LRRC4B: variants seen among roughly 807,000 people sequenced by gnomAD.
LRRC4B encodes the protein leucine rich repeat containing 4B, also known as leucine-rich repeat-containing protein 4B.
A neutral mutation model predicts 7.3 loss-of-function variants in LRRC4B; 1 was observed. That is an observed-to-expected ratio of 0.14 (90% CI 0.05 to 0.65). LRRC4B has a LOEUF of 0.65. Among genes scored for constraint, LRRC4B ranks in the 30% least tolerant of loss-of-function variants. LRRC4B has a pLI of 0.84. For synonymous variants in LRRC4B, 500 were observed against 499.2 expected (o/e 1.00, Z -0.02); for missense variants, 730 against 1,041.6 (o/e 0.70, Z 4.12).
chr19:50,522,643 A>AT (rs59871943), intron 2 of LRRC4B, among the ~76,000 whole-genome samples: 19,777 of 151,938 alleles, frequency 0.13, 1,419 homozygotes, highest in South Asian at 0.16. Flanking sequence ...CGCTTGGCTA[A>AT]TTTTTTGTAT....
chr19:50,548,313 G>A lies in LRRC4B; in HGVS notation c.297+229C>T, dbSNP rs931447630. On this transcript the variant is annotated intron_variant, in intron 2 of 2. Coordinates refer to ENST00000652263, the MANE Select transcript of LRRC4B (RefSeq NM_001080457.2). This position sits in a 1 kb window ranked among gnomAD's most constrained non-coding sequence, Gnocchi z 6.8. ...GGCAGGTGGCCTGCACTTGGGCCCCGACACGGTGGCTCAGAGACAGGGAGC... is the reference window on the plus strand; with the variant it reads ...GGCAGGTGGCCTGCACTTGGGCCCCAACACGGTGGCTCAGAGACAGGGAGC... 5.3e-5 allele frequency among the ~76,000 whole-genome samples: 8 copies of A among 152,224 alleles called. No individual in the cohort carries two copies. The highest frequency in any genetic ancestry group is 1.7e-4 in the African/African-American group (7 of 41,470).
At chr19:50,552,022 G>A (rs539863794) in intron 1 of LRRC4B, among the ~76,000 whole-genome samples, 1 of 152,098 alleles carries the variant, frequency 6.6e-6, no homozygotes, top group South Asian at 2.1e-4. Context: ...CTGGGCAGCC[G>A]AGGAGGCAGC....
At chr19:50,549,544 G>T (rs555201983) in intron 1 of LRRC4B, among the ~76,000 whole-genome samples, 1 of 152,368 alleles carries the variant, frequency 6.6e-6, no homozygotes, top group African/African-American at 2.4e-5. Flanking sequence ...CCCTGTGGGG[G>T]CCTCACAGCA....
chr19:50,561,459 C>T (rs897876789), intron 1 of LRRC4B, among the ~76,000 whole-genome samples: 4 of 151,760 alleles, frequency 2.6e-5, no homozygotes, highest in Admixed American at 6.6e-5. Context: ...ACTTGTTGGC[C>T]GTGGTGGCTC....
intron 2 of LRRC4B, among the ~76,000 whole-genome samples, chr19:50,540,015 G>C (rs928561522): frequency 6.6e-6 from 1 of 152,036 alleles, no homozygotes; most frequent in African/African-American, 2.4e-5. Flanking sequence ...GACCTTCCTG[G>C]GTGTTTCTCG....
In LRRC4B at chr19:50,556,383, C is replaced by T. The variant is rs1173395338; in HGVS notation, c.-35-7510G>A. ...CCTCCCACCCACCAGGCGCCTCCCA[C>T]CCAGGCTCTTCCCATCCACACCAGA... On this transcript the variant is annotated intron_variant, in intron 1 of 2. Coordinates refer to ENST00000652263, the MANE Select transcript of LRRC4B (RefSeq NM_001080457.2). The surrounding 1 kb of genome is among the most constrained non-coding windows in gnomAD (Gnocchi z 4.2). Among the ~76,000 whole-genome samples, 2 of 152,128 alleles carry T rather than the reference C, an allele frequency of 1.3e-5. No individual in the cohort carries two copies. Among genetic ancestry groups the T allele is most frequent in the African/African-American group, 4.8e-5 (2 of 41,420 alleles).
At chr19:50,541,453 A>T (rs1022010255) in intron 2 of LRRC4B, among the ~76,000 whole-genome samples, 1 of 152,142 alleles carries the variant, frequency 6.6e-6, no homozygotes, top group Non-Finnish European at 1.5e-5. Flanking sequence ...AGTCCATGGA[A>T]AAATTATCTT....
At chr19:50,559,172 C>T (rs911573011) in intron 1 of LRRC4B, among the ~76,000 whole-genome samples, 30 of 152,126 alleles carry the variant, frequency 2.0e-4, no homozygotes, top group African/African-American at 6.3e-4. Context: ...TGGTGGCTCA[C>T]GCCTGTAATC....
intron 1 of LRRC4B, among the ~76,000 whole-genome samples, chr19:50,566,391 G>T (rs1159436318): frequency 6.6e-6 from 1 of 151,008 alleles, no homozygotes; most frequent in Non-Finnish European, 1.5e-5. Flanking sequence ...GGGCCGAGGG[G>T]CAGCCCCGAG....
intron 2 of LRRC4B, among the ~76,000 whole-genome samples, chr19:50,522,212 G>A (rs1277783306): frequency 6.6e-6 from 1 of 152,030 alleles, no homozygotes. Flanking sequence ...AATGAAAATA[G>A]TAATACCAGC....
At chr19:50,567,203 T>G (rs7251054) in intron 1 of LRRC4B, among the ~76,000 whole-genome samples, 34,918 of 148,816 alleles carry the variant, frequency 0.23, 4,541 homozygotes, top group Admixed American at 0.35. Context: ...GCAGTGGTCC[T>G]GGAGAGACAC....
At chr19:50,538,248 A>C (rs1011326419) in intron 2 of LRRC4B, among the ~76,000 whole-genome samples, 1 of 152,188 alleles carries the variant, frequency 6.6e-6, no homozygotes, top group African/African-American at 2.4e-5. Context: ...TTTTTGGTAG[A>C]GACGGGGTTT....
intron 2 of LRRC4B, among the ~76,000 whole-genome samples, chr19:50,542,790 A>C (rs992477694): frequency 6.6e-6 from 1 of 151,924 alleles, no homozygotes; most frequent in Non-Finnish European, 1.5e-5. Context: ...TATTTTAAAA[A>C]ACACATCCTC....
chr19:50,528,486 A>G (rs1044929846), intron 2 of LRRC4B, among the ~76,000 whole-genome samples: 15 of 152,270 alleles, frequency 9.9e-5, no homozygotes, highest in Admixed American at 5.9e-4. Flanking sequence ...CTGGGATTAC[A>G]GGTGTGCACC....
At chr19:50,554,139 G>A (rs564894623) in intron 1 of LRRC4B, among the ~76,000 whole-genome samples, 46 of 151,900 alleles carry the variant, frequency 3.0e-4, no homozygotes, top group African/African-American at 1.1e-3. Flanking sequence ...GACTACAGGC[G>A]CTCACCACCA....
In LRRC4B at chr19:50,518,822, G is replaced by A. The variant is rs762229500; in HGVS notation, c.891C>T (p.Phe297=). 6.2e-7 allele frequency: 1 copy of A among 1,614,092 alleles called. No homozygotes were observed. Among genetic ancestry groups the A allele is most frequent in the South Asian group, 1.1e-5 (1 of 91,076 alleles). The change falls in exon 3 of 3, where the codon TTC becomes TTT. Residue 297 remains phenylalanine, a synonymous_variant. Transcript: ENST00000652263. ...NNLMSLPHDL[F]TPLHRLERVH... ...CGCGCTCGAGGCGGTGCAGGGGCGT[G>A]AAGAGGTCGTGGGGCAGCGACATCA... is the stretch of plus-strand genomic sequence containing the variant.
At chr19:50,547,097 G>A (rs973961925) in intron 2 of LRRC4B, among the ~76,000 whole-genome samples, 5 of 152,186 alleles carry the variant, frequency 3.3e-5, no homozygotes, top group Admixed American at 1.3e-4. Flanking sequence ...CGCACAGTGC[G>A]GAATGTCACC....
At chr19:50,567,721 C>G (rs1035492259) in intron 1 of LRRC4B, among the ~76,000 whole-genome samples, 1 of 146,346 alleles carries the variant, frequency 6.8e-6, no homozygotes, top group African/African-American at 2.5e-5. Flanking sequence ...AACCACCCCC[C>G]CCACAGCACA....
intron 2 of LRRC4B, among the ~76,000 whole-genome samples, chr19:50,532,635 T>G (rs986944564): frequency 1.3e-5 from 2 of 152,012 alleles, no homozygotes; most frequent in Non-Finnish European, 2.9e-5. Context: ...CCCTCATCAG[T>G]CACACACACA....
Sources: allele counts gnomAD v4.1 joint callset (sites outside exome capture counted in the v4.1 genomes callset), GRCh38; gene constraint gnomAD v4.1.1; non-coding constraint Gnocchi (gnomAD v3.1); transcripts MANE v1.5; gene names NCBI Gene and HGNC (gene_info 2026-07-23, HGNC 2026-07-21).